The following ZFHX4 variants were observed in gnomAD, a reference collection of about 807,000 sequenced individuals.
ZFHX4 encodes zinc finger homeobox protein 4.
In ZFHX4, 56 loss-of-function variants were observed where a neutral mutation model predicts 267.6. The ratio of observed to expected loss-of-function variants is 0.21; its 90% CI spans 0.17 to 0.26. The LOEUF (loss-of-function observed/expected upper bound fraction) is 0.26. ZFHX4 is among the 10% of genes least tolerant of loss of function. The pLI is 1.00. For synonymous variants in ZFHX4, 1,778 were observed against 1,665.6 expected (o/e 1.07, Z -1.64); for missense variants, 4,332 against 4,420.0 (o/e 0.98, Z 0.56).
chr8:76,839,472 A>T (rs1224838851), intron 5 of ZFHX4, among the ~76,000 whole-genome samples: 1 of 152,210 alleles, frequency 6.6e-6, no homozygotes, highest in Non-Finnish European at 1.5e-5. Flanking sequence ...CTTGATATAC[A>T]TGGTAAGCTT....
At position 76,851,109 on chromosome 8, in the gene ZFHX4, G is replaced by T. The variant is rs564331284; in HGVS notation, c.4188G>T (p.Lys1396Asn). The change falls in exon 10 of 11, where the codon AAG becomes AAT. Residue 1396 changes from lysine (K) to asparagine (N), a missense_variant. This residue lies in a region of ZFHX4 where 1,371 missense variants were observed against 1,423.1 expected (regional missense o/e 0.96). Transcript: ENST00000651372. ...PLSVSDRHVYKYRCNHCSLAF... is the reference protein window; with the variant it reads ...PLSVSDRHVYNYRCNHCSLAF... ...CTGTTTCTGACCGTCATGTCTACAA[G>T]TATCGCTGTAACCATTGTAGCTTGG... The T allele has an allele frequency of 6.9e-5, 112 of 1,613,860 alleles. No individual in the cohort carries two copies. The highest frequency in any genetic ancestry group is 8.6e-5 in the Non-Finnish European group (102 of 1,179,886).
Position 76,854,664 on chromosome 8 carries a change from A to G in ZFHX4, c.7743A>G (p.Lys2581=). 2 of 1,613,794 alleles carry G rather than the reference A, an allele frequency of 1.2e-6. No individual in the cohort carries two copies. Among genetic ancestry groups the G allele is most frequent in the Non-Finnish European group, 1.7e-6 (2 of 1,179,860 alleles). The part of the protein sequence containing the change: ...PTTVAASLKR[K]LDDKEDNNCS... ...CGGTTGCTGCTTCCCTAAAAAGGAA[A>G]CTAGACGATAAAGAAGATAATAATT... The change falls in exon 10 of 11, where the codon AAA becomes AAG. Residue 2581 remains lysine, a synonymous_variant. Coordinates refer to ENST00000651372, the MANE Select transcript of ZFHX4 (RefSeq NM_024721.5).
intron 3 of ZFHX4, among the ~76,000 whole-genome samples, chr8:76,745,098 TC>T (rs1315637189): frequency 6.6e-6 from 1 of 152,096 alleles, no homozygotes; most frequent in East Asian, 1.9e-4. Flanking sequence ...TCTTTCCTCT[TC>T]CACTAAAAAA....
intron 3 of ZFHX4, among the ~76,000 whole-genome samples, chr8:76,741,562 G>A (rs958177793): frequency 3.3e-5 from 5 of 152,076 alleles, no homozygotes; most frequent in Non-Finnish European, 7.4e-5. Context: ...GCATTTGTGT[G>A]GGCCAAGACT....
chr8:76,698,914 CCTT>C (rs1808028924), intron 1 of ZFHX4, among the ~76,000 whole-genome samples: 1 of 152,088 alleles, frequency 6.6e-6, no homozygotes, highest in African/African-American at 2.4e-5. Context: ...TTCATTAATT[CCTT>C]CTTGCAGAAG....
chr8:76,855,530 G>A lies in ZFHX4; in HGVS notation c.8609G>A (p.Ser2870Asn), dbSNP rs1812693616. The A allele has an allele frequency of 6.2e-7, 1 of 1,613,782 alleles. No individual in the cohort carries two copies. The highest frequency in any genetic ancestry group is 8.5e-7 in the Non-Finnish European group (1 of 1,179,876). ...GACAAATTTCTCTTTTCTCTCACAA[G>A]CCCATCCATCCATTTCAATGACAAA... Reference protein sequence around the residue: ...CDDKFLFSLTSPSIHFNDKDG... With the variant: ...CDDKFLFSLTNPSIHFNDKDG... Residue 2870 changes from serine (S) to asparagine (N), a missense_variant, in exon 10 of 11, where the codon AGC becomes AAC. By Grantham distance (46) the Ser-to-Asn change is conservative (BLOSUM62 1). Around this residue, in one of 7 missense-constraint regions of ZFHX4, gnomAD observed 1,648 missense variants for 1,625.0 expected, o/e 1.01. Coordinates refer to ENST00000651372, the MANE Select transcript of ZFHX4 (RefSeq NM_024721.5).
chr8:76,853,022 C>T lies in ZFHX4; in HGVS notation c.6101C>T (p.Pro2034Leu). The change falls in exon 10 of 11, where the codon CCT becomes CTT. Residue 2034 changes from proline to leucine, a missense_variant. Physicochemically the swap from Pro to Leu is moderately conservative, Grantham distance 98. Around this residue, in one of 7 missense-constraint regions of ZFHX4, gnomAD observed 1,371 missense variants for 1,423.1 expected, o/e 0.96. Transcript: ENST00000651372. ...PVKIPNTVSTPLQAPPPTPPP... is the reference protein window; with the variant it reads ...PVKIPNTVSTLLQAPPPTPPP... Reference sequence around the variant, plus strand: ...AAGATCCCCAACACGGTTTCTACTCCTCTGCAAGCTCCACCACCCACTCCT... The same window carrying T: ...AAGATCCCCAACACGGTTTCTACTCTTCTGCAAGCTCCACCACCCACTCCT... 1.3e-6 allele frequency: 2 copies of T among 1,510,690 alleles called. No homozygotes were observed. The highest frequency in any genetic ancestry group is 2.4e-5 in the South Asian group (2 of 82,974). The allele number at this position is 1,510,690 out of a possible 1,614,324, so 93.6% of individuals were successfully genotyped here.
chr8:76,822,637 C>T (rs181039833), intron 4 of ZFHX4, among the ~76,000 whole-genome samples: 310 of 151,798 alleles, frequency 2.0e-3, no homozygotes, highest in African/African-American at 7.1e-3. Context: ...GAGATGGGGT[C>T]TTACTGTCTT....
At chr8:76,861,709 TA>T (rs1228005505) in intron 10 of ZFHX4, among the ~76,000 whole-genome samples, 5 of 152,040 alleles carry the variant, frequency 3.3e-5, no homozygotes, top group South Asian at 2.1e-4. Context: ...TTTTATTTTT[TA>T]TTTTTTTATT....
chr8:76,775,277 G>T (rs1810373361), intron 3 of ZFHX4, among the ~76,000 whole-genome samples: 1 of 152,178 alleles, frequency 6.6e-6, no homozygotes, highest in South Asian at 2.1e-4. Flanking sequence ...TAAATGCTTT[G>T]TACCTAGAAC....
intron 6 of ZFHX4, among the ~76,000 whole-genome samples, chr8:76,848,357 A>T (rs940379029): frequency 1.1e-4 from 17 of 152,302 alleles, no homozygotes; most frequent in Middle Eastern, 3.4e-3. Flanking sequence ...TTTAACACCA[A>T]ATATTTGGAT....
At chr8:76,760,736 T>C (rs1429884948) in intron 3 of ZFHX4, among the ~76,000 whole-genome samples, 1 of 151,932 alleles carries the variant, frequency 6.6e-6, no homozygotes, top group Non-Finnish European at 1.5e-5. Flanking sequence ...CAGACCAGCC[T>C]GGGCAACATA....
Position 76,863,470 on chromosome 8 carries a change from T to C in ZFHX4, c.9756T>C (p.Gly3252=), listed in dbSNP as rs183283102. Residue 3252 remains glycine, a synonymous_variant, in exon 11 of 11, where the codon GGT becomes GGC. Transcript: ENST00000651372. ...AGGCATTACAGAATGCAATTGCTGG[T>C]GACCCAGCTTCCTTTATAGGCGGAC... The part of the protein sequence containing the change: ...QLQALQNAIA[G]DPASFIGGQF... 1.8e-3 allele frequency: 2,925 copies of C among 1,613,702 alleles called. 104 individuals are homozygous for C. In the Admixed American group the frequency reaches 0.046, roughly 25 times the overall value.
chr8:76,748,166 C>A (rs1025435809), intron 3 of ZFHX4, among the ~76,000 whole-genome samples: 1 of 152,126 alleles, frequency 6.6e-6, no homozygotes, highest in African/African-American at 2.4e-5. Context: ...CTACATCCCC[C>A]ATTTTCATAT....
intron 3 of ZFHX4, among the ~76,000 whole-genome samples, chr8:76,768,678 G>A (rs1810173873): frequency 1.3e-5 from 2 of 152,098 alleles, no homozygotes; most frequent in South Asian, 2.1e-4. Context: ...AGACTTGGAG[G>A]TTTGAAGAAA....
intron 4 of ZFHX4, among the ~76,000 whole-genome samples, chr8:76,810,171 A>C (rs1175004558): frequency 6.6e-6 from 1 of 152,182 alleles, no homozygotes; most frequent in African/African-American, 2.4e-5. Flanking sequence ...TTCATCTTGC[A>C]TTGTTTTCCT....
chr8:76,684,853 G>A (rs767645546), intron 1 of ZFHX4, among the ~76,000 whole-genome samples: 6 of 152,198 alleles, frequency 3.9e-5, no homozygotes, highest in Non-Finnish European at 8.8e-5. Flanking sequence ...ACATAAAGGA[G>A]GCTGAGAAAA....
At chr8:76,767,803 A>G (rs945159659) in intron 3 of ZFHX4, among the ~76,000 whole-genome samples, 1 of 152,182 alleles carries the variant, frequency 6.6e-6, no homozygotes, top group African/African-American at 2.4e-5. Context: ...GCTTTTCTAA[A>G]TGTAAGCACA....
At chr8:76,857,000 T>C (rs1812747297) in intron 10 of ZFHX4, among the ~76,000 whole-genome samples, 1 of 152,202 alleles carries the variant, frequency 6.6e-6, no homozygotes. Flanking sequence ...CTTTATTCCC[T>C]CACCCCTAGC....
Sources: allele counts gnomAD v4.1 joint callset (sites outside exome capture counted in the v4.1 genomes callset), GRCh38; gene constraint gnomAD v4.1.1; regional missense constraint gnomAD v4.1.1; transcripts MANE v1.5; gene names NCBI Gene and HGNC (gene_info 2026-07-23, HGNC 2026-07-21).